DEPDC1B: variants seen among roughly 807,000 people sequenced by gnomAD.
DEPDC1B encodes the protein DEP domain-containing protein 1B.
In DEPDC1B, 51 loss-of-function variants were observed where a neutral mutation model predicts 66.5. The observed-to-expected ratio is 0.77, with a 90% CI of 0.61 to 0.97. The LOEUF (loss-of-function observed/expected upper bound fraction) is 0.97. DEPDC1B is among the 50% of genes least tolerant of loss of function. DEPDC1B has a pLI of 0.00. For synonymous variants in DEPDC1B, 226 were observed against 223.6 expected (o/e 1.01, Z -0.10); for missense variants, 552 against 637.1 (o/e 0.87, Z 1.44).
intron 2 of DEPDC1B, among the ~76,000 whole-genome samples, chr5:60,679,747 C>A (rs1336604029): frequency 1.3e-5 from 2 of 152,160 alleles, no homozygotes; most frequent in African/African-American, 4.8e-5. Context: ...AGGCTCCATG[C>A]CAGAGAAACC....
intron 3 of DEPDC1B, 53 bp downstream of exon 3, chr5:60,647,345 A>C (rs1384463733): frequency 1.3e-6 from 2 of 1,538,980 alleles, no homozygotes; most frequent in Non-Finnish European, 1.7e-6. Flanking sequence ...CTAGGAGTTC[A>C]TGGATGATTC....
At chr5:60,687,882 AG>A (rs1323355446) in intron 1 of DEPDC1B, 1 of 172,346 alleles carries the variant, frequency 5.8e-6, no homozygotes, top group Non-Finnish European at 1.3e-5. Flanking sequence ...CAGCTTTTCA[AG>A]GGTGGTTCAT....
intron 7 of DEPDC1B, among the ~76,000 whole-genome samples, chr5:60,635,064 GA>G (rs371444479): frequency 3.1e-4 from 36 of 115,966 alleles, no homozygotes; most frequent in African/African-American, 6.5e-4. Context: ...CATCTCAAGA[GA>G]AAAAAAAAAA....
At chr5:60,648,439 A>G (rs915477503) in intron 2 of DEPDC1B, among the ~76,000 whole-genome samples, 1 of 152,224 alleles carries the variant, frequency 6.6e-6, no homozygotes. Context: ...AAGGCACTGC[A>G]TCTAGTTATT....
At chr5:60,698,186 G>A (rs1754698500) in intron 1 of DEPDC1B, among the ~76,000 whole-genome samples, 1 of 152,144 alleles carries the variant, frequency 6.6e-6, no homozygotes, top group Non-Finnish European at 1.5e-5. Flanking sequence ...CAATATTCTT[G>A]ACCCCAGATC....
intron 2 of DEPDC1B, among the ~76,000 whole-genome samples, chr5:60,651,229 T>C (rs1165976278): frequency 6.6e-6 from 1 of 152,058 alleles, no homozygotes; most frequent in Non-Finnish European, 1.5e-5. Context: ...TCCACACAAT[T>C]ATGTAAAAAC....
At chr5:60,645,104 A>C (rs1411253830) in intron 4 of DEPDC1B, among the ~76,000 whole-genome samples, 2 of 152,212 alleles carry the variant, frequency 1.3e-5, no homozygotes, top group Non-Finnish European at 2.9e-5. Flanking sequence ...AATGACAAGA[A>C]AGTAATTTTG....
intron 2 of DEPDC1B, among the ~76,000 whole-genome samples, chr5:60,662,109 C>A (rs1463498685): frequency 6.6e-6 from 1 of 152,038 alleles, no homozygotes; most frequent in Non-Finnish European, 1.5e-5. Context: ...AAACTTCAGG[C>A]CGGGCATGGT....
chr5:60,638,904 G>A lies in DEPDC1B; in HGVS notation c.758-14C>T, dbSNP rs1584053417. On this transcript the variant is annotated splice_polypyrimidine_tract_variant and intron_variant, in intron 6 of 10. Coordinates refer to ENST00000265036, the MANE Select transcript of DEPDC1B (RefSeq NM_018369.3). ...AACAGTTGGGCCCTATTTTCAAAAAGAGAGTGAAAGAGAAACATTAATGGA... is the reference window on the plus strand; with the variant it reads ...AACAGTTGGGCCCTATTTTCAAAAAAAGAGTGAAAGAGAAACATTAATGGA... 1 of 1,606,036 alleles carries A rather than the reference G, an allele frequency of 6.2e-7. No homozygotes were observed. Among genetic ancestry groups the A allele is most frequent in the Non-Finnish European group, 8.5e-7 (1 of 1,177,816 alleles).
Position 60,645,532 on chromosome 5 carries a change from C to A in DEPDC1B, c.538G>T (p.Ala180Ser). The A allele has an allele frequency of 6.2e-6, 10 of 1,612,928 alleles. No homozygotes were observed. The highest frequency in any genetic ancestry group is 8.5e-6 in the Non-Finnish European group (10 of 1,179,378). Residue 180 changes from alanine (A) to serine (S), a missense_variant, in exon 4 of 11, where the codon GCC (alanine) becomes TCC (serine). By Grantham distance (99) the Ala-to-Ser change is moderately conservative (BLOSUM62 1). Transcript: ENST00000265036. The part of the protein sequence containing the change: ...RLVHRRQLTE[A>S]NVEEIWKSMT... The stretch of plus-strand genomic sequence containing the variant: ...GACTTCCATATCTCTTCTACATTGG[C>A]CTCTGTCAGCTGTCTGCGGTGGACA...
chr5:60,654,519 G>C (rs1310709775), intron 2 of DEPDC1B, among the ~76,000 whole-genome samples: 1 of 148,534 alleles, frequency 6.7e-6, no homozygotes, highest in East Asian at 2.1e-4. Flanking sequence ...AGTTCCAGGA[G>C]CTTTTTGGAT....
chr5:60,697,126 C>G (rs1468026381), intron 1 of DEPDC1B, among the ~76,000 whole-genome samples: 1 of 151,956 alleles, frequency 6.6e-6, no homozygotes, highest in East Asian at 1.9e-4. Flanking sequence ...CTATTTATAC[C>G]AAGTTTACAA....
intron 7 of DEPDC1B, among the ~76,000 whole-genome samples, chr5:60,615,125 T>C (rs1045920264): frequency 1.3e-5 from 2 of 152,132 alleles, no homozygotes; most frequent in African/African-American, 4.8e-5. Context: ...ATAAAATGAA[T>C]CAAAGGCATC....
At chr5:60,660,545 A>C (rs1279228593) in intron 2 of DEPDC1B, among the ~76,000 whole-genome samples, 2 of 152,198 alleles carry the variant, frequency 1.3e-5, no homozygotes, top group East Asian at 3.8e-4. Flanking sequence ...TCCTTAACCC[A>C]GTAACCCGTG....
At chr5:60,663,184 C>T (rs1753760348) in intron 2 of DEPDC1B, among the ~76,000 whole-genome samples, 1 of 152,108 alleles carries the variant, frequency 6.6e-6, no homozygotes, top group Admixed American at 6.5e-5. Flanking sequence ...GGCAACAAAA[C>T]GACAATATGG....
intron 2 of DEPDC1B, among the ~76,000 whole-genome samples, chr5:60,660,177 GAC>G (rs952504909): frequency 4.6e-5 from 7 of 151,614 alleles, no homozygotes; most frequent in Non-Finnish European, 7.4e-5. Flanking sequence ...AAGAGAGAGA[GAC>G]AGAGAGGAGA....
intron 2 of DEPDC1B, among the ~76,000 whole-genome samples, chr5:60,655,585 C>A (rs754894901): frequency 6.7e-6 from 1 of 149,008 alleles, no homozygotes; most frequent in Admixed American, 6.6e-5. Context: ...CTTTTTGTTT[C>A]GTTTATCATT....
At chr5:60,685,216 G>A (rs1019812851) in intron 2 of DEPDC1B, among the ~76,000 whole-genome samples, 3 of 152,156 alleles carry the variant, frequency 2.0e-5, no homozygotes, top group African/African-American at 4.8e-5. Flanking sequence ...GCAACGGCCG[G>A]CTGTACACTC....
intron 2 of DEPDC1B, among the ~76,000 whole-genome samples, chr5:60,657,381 G>A (rs573763221): frequency 6.6e-6 from 1 of 151,950 alleles, no homozygotes; most frequent in Non-Finnish European, 1.5e-5. Context: ...CTGTTTTACT[G>A]TTTTATAGGT....
Sources: allele counts gnomAD v4.1 joint callset (sites outside exome capture counted in the v4.1 genomes callset), GRCh38; gene constraint gnomAD v4.1.1; transcripts MANE v1.5; gene names NCBI Gene and HGNC (gene_info 2026-07-23, HGNC 2026-07-21).